The following TBC1D9 variants were observed in gnomAD, a reference collection of about 807,000 sequenced individuals.
TBC1D9 encodes the protein TBC1 domain family member 9A.
Under a neutral mutation model 132.0 loss-of-function variants are expected in TBC1D9, and 63 were observed. The observed-to-expected ratio is 0.48, with a 90% CI of 0.39 to 0.59. The LOEUF is 0.59. Among genes scored for constraint, TBC1D9 ranks in the 20% least tolerant of loss-of-function variants. TBC1D9 has a pLI of 0.00. For missense variants in TBC1D9, 1,261 were observed against 1,592.7 expected, an observed-to-expected ratio of 0.79 and a Z score of 3.54; for synonymous variants, 610 against 609.9, an observed-to-expected ratio of 1.00 and a Z score of 0.00.
intron 1 of TBC1D9, among the ~76,000 whole-genome samples, chr4:140,703,264 C>T (rs1483690244): frequency 6.6e-6 from 1 of 152,178 alleles, no homozygotes; most frequent in Non-Finnish European, 1.5e-5. Context: ...TTTGCTGAAT[C>T]TGAGGCACAA....
chr4:140,623,153 C>T (rs1056483527), intron 20 of TBC1D9, among the ~76,000 whole-genome samples: 2 of 152,266 alleles, frequency 1.3e-5, no homozygotes, highest in East Asian at 1.9e-4. Flanking sequence ...GGTGCAATCA[C>T]GGTTCACTGC....
chr4:140,755,678 C>T (rs1047097573), intron 1 of TBC1D9, among the ~76,000 whole-genome samples: 2 of 152,316 alleles, frequency 1.3e-5, no homozygotes, highest in African/African-American at 4.8e-5. Flanking sequence ...TTCTCCTCAA[C>T]ATATCCACTT....
chr4:140,681,421 G>A (rs1737701352), intron 3 of TBC1D9, among the ~76,000 whole-genome samples: 1 of 152,136 alleles, frequency 6.6e-6, no homozygotes, highest in Admixed American at 6.6e-5. Context: ...GCCGGTAGTT[G>A]TGATGCTGCT....
intron 1 of TBC1D9, among the ~76,000 whole-genome samples, chr4:140,715,548 A>C (rs1304147247): frequency 6.6e-6 from 1 of 152,232 alleles, no homozygotes; most frequent in Non-Finnish European, 1.5e-5. Flanking sequence ...CTTTGAGTAA[A>C]TGTTCCCTTC....
rs1230469270 is a variant in TBC1D9, at chr4:140,643,797, T to C, written c.2338-4369A>G. On this transcript the variant is annotated intron_variant, in intron 13 of 20. Coordinates refer to ENST00000442267, the MANE Select transcript of TBC1D9 (RefSeq NM_015130.3). Reference sequence around the variant, plus strand: ...GCACTCAGAGGGCTCGGTGCAGCCCTGCCCGGTGGCACTCAGCGCCTGGGC... The same window carrying C: ...GCACTCAGAGGGCTCGGTGCAGCCCCGCCCGGTGGCACTCAGCGCCTGGGC... 4 of 831,848 alleles carry C rather than the reference T, an allele frequency of 4.8e-6. No individual in the cohort carries two copies. The East Asian group carries it at 1.0e-4, about 21-fold the overall frequency. 51.5% of individuals were successfully genotyped at this position (831,848 alleles called of 1,614,324 possible).
At chr4:140,691,017 C>G (rs1737871585) in intron 2 of TBC1D9, among the ~76,000 whole-genome samples, 1 of 152,160 alleles carries the variant, frequency 6.6e-6, no homozygotes, top group South Asian at 2.1e-4. Flanking sequence ...ATTTACTGCA[C>G]AAATGCACCA....
At chr4:140,631,434 G>A (rs562650409) in intron 16 of TBC1D9, among the ~76,000 whole-genome samples, 1 of 152,204 alleles carries the variant, frequency 6.6e-6, no homozygotes, top group South Asian at 2.1e-4. Flanking sequence ...TGTTAGCCAG[G>A]ATGGTCTTGA....
At chr4:140,690,268 T>C (rs1737857308) in intron 2 of TBC1D9, among the ~76,000 whole-genome samples, 1 of 152,152 alleles carries the variant, frequency 6.6e-6, no homozygotes, top group Non-Finnish European at 1.5e-5. Context: ...TCAGGTTTAC[T>C]ATCATTGTTT....
At chr4:140,645,087 A>G in intron 13 of TBC1D9, 1 of 532,578 alleles carries the variant, frequency 1.9e-6, no homozygotes, top group South Asian at 1.5e-5. Context: ...GCCCCAGGTC[A>G]CCAGGAGGTT....
At chr4:140,653,796 A>G (rs1253345034) in intron 13 of TBC1D9, among the ~76,000 whole-genome samples, 5 of 152,220 alleles carry the variant, frequency 3.3e-5, no homozygotes, top group African/African-American at 1.2e-4. Context: ...AGGCACTGAT[A>G]TAAATTAAAA....
chr4:140,651,223 C>T (rs1737183088), intron 13 of TBC1D9, among the ~76,000 whole-genome samples: 1 of 152,214 alleles, frequency 6.6e-6, no homozygotes. Flanking sequence ...AATCCCAGCA[C>T]TTTGGGAGGC....
At chr4:140,692,334 A>G (rs1299838129) in intron 2 of TBC1D9, among the ~76,000 whole-genome samples, 1 of 152,190 alleles carries the variant, frequency 6.6e-6, no homozygotes, top group Non-Finnish European at 1.5e-5. Flanking sequence ...CTAATTAAAT[A>G]AAGGGAACCA....
chr4:140,686,421 C>G lies in TBC1D9; in HGVS notation c.283G>C (p.Glu95Gln). 1.2e-6 allele frequency: 2 copies of G among 1,612,554 alleles called. No individual in the cohort carries two copies. Among genetic ancestry groups the G allele is most frequent in the Non-Finnish European group, 1.7e-6 (2 of 1,179,030 alleles). The change falls in exon 3 of 21, where the codon GAG becomes CAG. Residue 95 changes from glutamate (E) to glutamine (Q), a missense_variant. Physicochemically the swap from Glu to Gln is conservative, Grantham distance 29 (BLOSUM62 2). Transcript: ENST00000442267. ...KEITEHWEWL[E>Q]QNLLQTLSIF... ...GAGAGTGTCTGCAAGAGATTTTGCT[C>G]AAGCCATTCCCAGTGTTCAGTGATT...
intron 1 of TBC1D9, among the ~76,000 whole-genome samples, chr4:140,714,360 T>C (rs1283787999): frequency 1.3e-5 from 2 of 152,124 alleles, no homozygotes; most frequent in Non-Finnish European, 2.9e-5. Flanking sequence ...ACATGTAAGG[T>C]GTATATCAAC....
At chr4:140,751,520 AG>A (rs1738923697) in intron 1 of TBC1D9, among the ~76,000 whole-genome samples, 1 of 152,220 alleles carries the variant, frequency 6.6e-6, no homozygotes, top group Non-Finnish European at 1.5e-5. Flanking sequence ...ACCACAGAGC[AG>A]GAAAAGACTT....
intron 1 of TBC1D9, among the ~76,000 whole-genome samples, chr4:140,731,953 G>A (rs1488617517): frequency 2.0e-5 from 3 of 152,150 alleles, no homozygotes; most frequent in Non-Finnish European, 4.4e-5. Context: ...CTGGATGAGA[G>A]GGATGGGTGG....
chr4:140,726,595 TTATAA>T (rs1738505217), intron 1 of TBC1D9, among the ~76,000 whole-genome samples: 1 of 152,086 alleles, frequency 6.6e-6, no homozygotes, highest in African/African-American at 2.4e-5. Flanking sequence ...CAAAGCTCAT[TTATAA>T]TATAATTATA....
chr4:140,737,409 A>T (rs1393082559), intron 1 of TBC1D9, among the ~76,000 whole-genome samples: 2 of 150,484 alleles, frequency 1.3e-5, no homozygotes, highest in Non-Finnish European at 3.0e-5. Flanking sequence ...TCTCTGCCTG[A>T]ATAGCTCTCT....
chr4:140,753,256 CT>C (rs74269665), intron 1 of TBC1D9, among the ~76,000 whole-genome samples: 1,555 of 145,754 alleles, frequency 0.011, 12 homozygotes, highest in Middle Eastern at 0.036. Context: ...CAGCTAGATT[CT>C]TTTTTTTTTT....
Sources: gnomAD v4.1 joint callset for allele counts (sites outside exome capture counted in the v4.1 genomes callset) on GRCh38, gnomAD v4.1.1 for gene constraint, MANE v1.5 for transcripts, NCBI Gene and HGNC (gene_info 2026-07-23, HGNC 2026-07-21) for gene names.